FAM83G: variants seen among roughly 807,000 people sequenced by gnomAD.
FAM83G encodes scaffolding CK1 anchoring protein G.
FAM83G carries 38 observed loss-of-function variants against 61.5 expected under a neutral mutation model. That is an observed-to-expected ratio of 0.62 (90% CI 0.48 to 0.81). FAM83G has a LOEUF of 0.81. Among genes scored for constraint, FAM83G ranks in the 30% least tolerant of loss-of-function variants. FAM83G has a pLI of 0.00. For missense variants in FAM83G, 989 were observed against 1,133.6 expected, an observed-to-expected ratio of 0.87 and a Z score of 1.83; for synonymous variants, 470 against 476.1, an observed-to-expected ratio of 0.99 and a Z score of 0.17.
At chr17:18,985,654 G>A (rs1444833986) in intron 3 of FAM83G, among the ~76,000 whole-genome samples, 3 of 152,222 alleles carry the variant, frequency 2.0e-5, no homozygotes, top group Non-Finnish European at 2.9e-5. Flanking sequence ...CTGGCCACCC[G>A]CCCAGGGCTG....
At chr17:18,976,903 C>A (rs778828313) in intron 5 of FAM83G, 2 of 1,613,540 alleles carry the variant, frequency 1.2e-6, no homozygotes, top group Non-Finnish European at 1.7e-6. Context: ...CATGCCAAGG[C>A]GGGCTCCATC....
upstream of FAM83G, among the ~76,000 whole-genome samples, chr17:19,005,386 C>T (rs1472594867): frequency 6.7e-6 from 1 of 149,820 alleles, no homozygotes; most frequent in African/African-American, 2.4e-5. Context: ...CTGAGCGTCC[C>T]CTGGGGTTGG....
chr17:18,986,687 C>A (rs1168790767), intron 3 of FAM83G, among the ~76,000 whole-genome samples: 2 of 152,216 alleles, frequency 1.3e-5, no homozygotes, highest in African/African-American at 4.8e-5. Context: ...GAGTGGCTGG[C>A]CCCAGGTTAG....
chr17:18,992,045 AGCCTGC>A (rs1392192761), intron 2 of FAM83G, among the ~76,000 whole-genome samples: 1 of 152,074 alleles, frequency 6.6e-6, no homozygotes, highest in Non-Finnish European at 1.5e-5. Flanking sequence ...GCCAACAGCG[AGCCTGC>A]GCCTGCCCCA....
intron 3 of FAM83G, among the ~76,000 whole-genome samples, chr17:18,984,214 C>T (rs376761447): frequency 4.6e-5 from 7 of 151,960 alleles, no homozygotes; most frequent in African/African-American, 9.7e-5. Context: ...TGGTGGCGGG[C>T]CCCTGTAGTC....
chr17:18,980,361 C>A (rs537399907), intron 3 of FAM83G, among the ~76,000 whole-genome samples: 76 of 152,052 alleles, frequency 5.0e-4, no homozygotes, highest in Non-Finnish European at 9.9e-4. Context: ...ACTGTTTGGC[C>A]CAGGAGCAGG....
chr17:18,977,365 A>T, intron 5 of FAM83G: 2 of 595,192 alleles, frequency 3.4e-6, no homozygotes, highest in East Asian at 5.9e-5. Context: ...TTGCCTTTTC[A>T]GGATGCTGGG....
intron 3 of FAM83G, among the ~76,000 whole-genome samples, chr17:18,987,386 C>T (rs1040483386): frequency 3.9e-5 from 6 of 152,224 alleles, no homozygotes; most frequent in African/African-American, 7.2e-5. Context: ...CAGGGCCTGG[C>T]GCACGGCCAA....
rs2042824230 is a variant in FAM83G at position 18,970,882 on chromosome 17, G to A, written c.*477C>T. On this transcript the variant is annotated 3_prime_UTR_variant, in exon 6 of 6. Transcript: ENST00000388995. ...ACCCTCACACCTTTCCAAACACTGG[G>A]AAAGATGAGGTGGAAAAAACTCAAG... The A allele has an allele frequency of 1.3e-6, 1 of 762,402 alleles. No homozygotes were observed. Among genetic ancestry groups the A allele is most frequent in the East Asian group, 2.7e-5 (1 of 37,280 alleles). The allele number at this position is 762,402 out of a possible 1,614,324, so 47.2% of individuals were successfully genotyped here. A position where few individuals can be genotyped will look rare whatever the true frequency, so the allele number is the denominator to read the frequency against.
chr17:18,991,903 T>C (rs1406185451), intron 2 of FAM83G, among the ~76,000 whole-genome samples: 1 of 152,176 alleles, frequency 6.6e-6, no homozygotes, highest in East Asian at 1.9e-4. Context: ...GACAACCATC[T>C]GACTCCTGCC....
rs1181960605 is a variant in FAM83G, at chr17:19,003,074, A to T, written c.522+446T>A. On this transcript the variant is annotated intron_variant, in intron 2 of 5. Transcript: ENST00000388995. The surrounding 1 kb of genome is among the most constrained non-coding windows in gnomAD (Gnocchi z 4.5). ...ACAAGGACCTCCAGGCCAGTCTCAG[A>T]TGGACTTGGACCATGCCTATTCCCT... Among the ~76,000 whole-genome samples the T allele has an allele frequency of 2.6e-5, 4 of 152,018 alleles. No homozygotes were observed. Among genetic ancestry groups the T allele is most frequent in the African/African-American group, 9.7e-5 (4 of 41,372 alleles).
chr17:18,997,647 C>T (rs2043601166), intron 2 of FAM83G, among the ~76,000 whole-genome samples: 1 of 152,196 alleles, frequency 6.6e-6, no homozygotes. Context: ...CAAAGCACAC[C>T]AGGGCAGGGC....
chr17:18,986,644 G>A (rs550953539), intron 3 of FAM83G, among the ~76,000 whole-genome samples: 3 of 152,374 alleles, frequency 2.0e-5, no homozygotes, highest in Admixed American at 2.0e-4. Flanking sequence ...CTTCTCTGCT[G>A]AGAAGGGGCC....
chr17:18,984,311 C>T (rs550787145), intron 3 of FAM83G, among the ~76,000 whole-genome samples: 22 of 133,014 alleles, frequency 1.7e-4, no homozygotes, highest in South Asian at 7.2e-4. Flanking sequence ...CCAGCCTGGG[C>T]GACAGAGCAA....
chr17:18,971,878 G>A lies in FAM83G; in HGVS notation c.2083-130C>T. ...TCCTGGCTCTGCCATTCACCAGGGA[G>A]TGGGCCTAGACCAGTTGGTTTAGTC... On this transcript the variant is annotated intron_variant, in intron 5 of 5. Coordinates refer to ENST00000388995, the MANE Select transcript of FAM83G (RefSeq NM_001039999.3). This position sits in a 1 kb window ranked among gnomAD's most constrained non-coding sequence, Gnocchi z 5.5. The A allele has an allele frequency of 1.0e-6, 1 of 966,778 alleles. No individual in the cohort carries two copies. The highest frequency in any genetic ancestry group is 1.5e-6 in the Non-Finnish European group (1 of 667,442). 59.9% of individuals were successfully genotyped at this position (966,778 alleles called of 1,614,324 possible).
chr17:18,987,459 G>A (rs1467737112), intron 3 of FAM83G, among the ~76,000 whole-genome samples: 2 of 152,234 alleles, frequency 1.3e-5, no homozygotes, highest in Admixed American at 6.5e-5. Flanking sequence ...TGCTCTGCAC[G>A]CAGCAGGTGC....
At chr17:18,975,676 C>T (rs916000039) in intron 5 of FAM83G, 7 of 151,886 alleles carry the variant, frequency 4.6e-5, no homozygotes, top group East Asian at 1.9e-4. Flanking sequence ...GCCTGGGCAA[C>T]AAGAGTGAAA....
rs1485558418 is a variant in FAM83G, at chr17:19,000,506, C to T, written c.522+3014G>A. On this transcript the variant is annotated intron_variant, in intron 2 of 5. Coordinates refer to ENST00000388995, the MANE Select transcript of FAM83G (RefSeq NM_001039999.3). The surrounding 1 kb of genome is among the most constrained non-coding windows in gnomAD (Gnocchi z 5.2). ...TCTAGTCATTTGGGAACAGGGGGGA[C>T]TGACAGCAGTCCTGACAGGAACACA... is the stretch of plus-strand genomic sequence containing the variant. Among the ~76,000 whole-genome samples the T allele has an allele frequency of 1.3e-5, 2 of 152,182 alleles. No homozygotes were observed. The highest frequency in any genetic ancestry group is 2.9e-5 in the Non-Finnish European group (2 of 68,030).
In FAM83G at chr17:18,969,994, A is replaced by G. The variant is rs561947812; in HGVS notation, c.*1365T>C. Reference sequence around the variant, plus strand: ...GCAGAGCCAGGAGGATCCCTCAGAGAGTGAACAAATCTCTAAAGACTCTTC... The same window carrying G: ...GCAGAGCCAGGAGGATCCCTCAGAGGGTGAACAAATCTCTAAAGACTCTTC... On this transcript the variant is annotated 3_prime_UTR_variant, in exon 6 of 6. Coordinates refer to ENST00000388995, the MANE Select transcript of FAM83G (RefSeq NM_001039999.3). The G allele has an allele frequency of 1.5e-4, 23 of 152,576 alleles. No homozygotes were observed. The highest frequency in any genetic ancestry group is 4.8e-4 in the African/African-American group (20 of 41,596). The allele number at this position is 152,576 out of a possible 1,614,324, so 9.5% of individuals were successfully genotyped here. A position where few individuals can be genotyped will look rare whatever the true frequency, so the allele number is the denominator to read the frequency against.
Sources: gnomAD v4.1 joint callset for allele counts (sites outside exome capture counted in the v4.1 genomes callset) on GRCh38, gnomAD v4.1.1 for gene constraint, Gnocchi (gnomAD v3.1) non-coding constraint, MANE v1.5 for transcripts, NCBI Gene and HGNC (gene_info 2026-07-23, HGNC 2026-07-21) for gene names.